Variants in ADD2 observed in about 807,000 individuals in gnomAD.
ADD2 encodes the protein adducin 2.
A neutral mutation model predicts 83.0 loss-of-function variants in ADD2; 23 were observed. The observed-to-expected ratio is 0.28, with a 90% CI of 0.20 to 0.39. The LOEUF is 0.39. Among genes scored for constraint, ADD2 ranks in the 10% least tolerant of loss-of-function variants. The pLI is 1.00. For missense variants in ADD2, 758 were observed against 944.9 expected (o/e 0.80, Z 2.59); for synonymous variants, 375 against 375.4 (o/e 1.00, Z 0.01).
At chr2:70,717,314 G>A (rs577251050) in intron 1 of ADD2, among the ~76,000 whole-genome samples, 34 of 152,276 alleles carry the variant, frequency 2.2e-4, no homozygotes, top group Admixed American at 7.8e-4. Flanking sequence ...TCTATGGATC[G>A]TTCCTTGTGG....
chr2:70,664,983 TGCGA>T (rs1675714071), intron 15 of ADD2, among the ~76,000 whole-genome samples: 1 of 139,384 alleles, frequency 7.2e-6, no homozygotes, highest in Admixed American at 7.1e-5. Context: ...TGTGAATGTG[TGCGA>T]GTGAGTGTGT....
intron 1 of ADD2, among the ~76,000 whole-genome samples, chr2:70,764,163 C>T (rs1206223929): frequency 1.3e-5 from 2 of 151,876 alleles, no homozygotes; most frequent in Non-Finnish European, 2.9e-5. Flanking sequence ...GCTGGAATTA[C>T]AGGCGTGAGC....
At chr2:70,666,971 G>A (rs1473810533) in intron 15 of ADD2, among the ~76,000 whole-genome samples, 2 of 152,124 alleles carry the variant, frequency 1.3e-5, no homozygotes, top group Admixed American at 6.5e-5. Context: ...GGTTCCACTG[G>A]CCAAGAGAAG....
intron 13 of ADD2, chr2:70,675,126 A>G (rs536904684): frequency 1.8e-6 from 2 of 1,088,036 alleles, no homozygotes; most frequent in South Asian, 3.7e-5. Flanking sequence ...AATCCCTTCT[A>G]TGGACACTTC....
chr2:70,768,133 C>T lies in ADD2; in HGVS notation c.-401G>A. On this transcript the variant is annotated 5_prime_UTR_variant, in exon 1 of 16. Coordinates refer to ENST00000264436, the MANE Select transcript of ADD2 (RefSeq NM_001617.4). ...TTCCTTGACAAAAGGCTCGGGTTCCCGCTAGTCCCTCACAGCCCTGCCGTC... is the reference window on the plus strand; with the variant it reads ...TTCCTTGACAAAAGGCTCGGGTTCCTGCTAGTCCCTCACAGCCCTGCCGTC... 1.5e-6 allele frequency: 1 copy of T among 659,116 alleles called. No individual in the cohort carries two copies. The highest frequency in any genetic ancestry group is 2.6e-6 in the Non-Finnish European group (1 of 390,892). The allele number at this position is 659,116 out of a possible 1,614,324, so 40.8% of individuals were successfully genotyped here.
intron 4 of ADD2, among the ~76,000 whole-genome samples, chr2:70,699,003 A>G (rs3771461): frequency 0.24 from 36,647 of 151,840 alleles, 4,560 homozygotes; most frequent in East Asian, 0.43. Context: ...CGCATCCCTG[A>G]CTCAGATATC....
Position 70,672,909 on chromosome 2 carries a change from G to A in ADD2, c.1839C>T (p.Ser613=). 1 of 1,613,264 alleles carries A rather than the reference G, an allele frequency of 6.2e-7. No homozygotes were observed. Among genetic ancestry groups the A allele is most frequent in the East Asian group, 2.2e-5 (1 of 44,858 alleles). ...AAGACTTGGAAGGAGAGACTAAAGG[G>A]CTCTTTGTCTCTGCCTCCTTCGCTG... ...QSPAKEAETK[S]PLVSPSKSLE... Residue 613 remains serine (S), a synonymous_variant, in exon 15 of 16, where the codon AGC becomes AGT. Transcript: ENST00000264436.
At chr2:70,724,835 G>A (rs1372189053) in intron 1 of ADD2, among the ~76,000 whole-genome samples, 1 of 152,108 alleles carries the variant, frequency 6.6e-6, no homozygotes, top group East Asian at 1.9e-4. Context: ...ACACAGTATT[G>A]GGTGTGGACA....
chr2:70,719,358 T>G (rs1574285063), intron 1 of ADD2, among the ~76,000 whole-genome samples: 3 of 152,178 alleles, frequency 2.0e-5, no homozygotes, highest in Admixed American at 2.0e-4. Context: ...GACAGGGGCA[T>G]GGGAGGCGGC....
At chr2:70,689,875 A>T (rs1273292636) in intron 8 of ADD2, among the ~76,000 whole-genome samples, 1 of 152,292 alleles carries the variant, frequency 6.6e-6, no homozygotes, top group East Asian at 1.9e-4. Context: ...ACAACACTCA[A>T]GTTTGGGGAG....
chr2:70,759,121 C>T (rs750331102), intron 1 of ADD2, among the ~76,000 whole-genome samples: 2 of 152,068 alleles, frequency 1.3e-5, no homozygotes, highest in Non-Finnish European at 2.9e-5. Context: ...AAGTTTTTTT[C>T]AGCCACTTCA....
At chr2:70,707,562 C>A (rs995714779) in intron 2 of ADD2, among the ~76,000 whole-genome samples, 1 of 142,034 alleles carries the variant, frequency 7.0e-6, no homozygotes. Context: ...TGGGAATTTG[C>A]GAAGCCCGTC....
intron 13 of ADD2, chr2:70,675,158 C>A: frequency 9.7e-7 from 1 of 1,034,118 alleles, no homozygotes; most frequent in African/African-American, 1.7e-5. Flanking sequence ...TATGCAAATA[C>A]AGTTGGTGGC....
chr2:70,674,407 G>A (rs568761217), intron 14 of ADD2, among the ~76,000 whole-genome samples: 2 of 152,298 alleles, frequency 1.3e-5, no homozygotes, highest in African/African-American at 4.8e-5. Flanking sequence ...AATTGATCTG[G>A]TGTTTACTGG....
At chr2:70,731,333 C>T (rs556991382) in intron 1 of ADD2, among the ~76,000 whole-genome samples, 1 of 152,312 alleles carries the variant, frequency 6.6e-6, no homozygotes, top group African/African-American at 2.4e-5. Flanking sequence ...GGATTGCTTC[C>T]TCTTTAGGGT....
At chr2:70,734,059 C>A (rs1673404254) in intron 1 of ADD2, among the ~76,000 whole-genome samples, 1 of 152,152 alleles carries the variant, frequency 6.6e-6, no homozygotes, top group Non-Finnish European at 1.5e-5. Flanking sequence ...CTATCTCCAC[C>A]CCCCTCTCCC....
In ADD2 at chr2:70,736,903, A is replaced by G. The variant is rs1387281662; in HGVS notation, c.-153-23719T>C. On this transcript the variant is annotated intron_variant, in intron 1 of 15. Transcript: ENST00000264436. ...GGAAAAAACAAACAACCCCATCAAA[A>G]AGTGGGTGAAGGATATGAACAGACA... 2.0e-5 allele frequency among the ~76,000 whole-genome samples: 3 copies of G among 152,172 alleles called. No homozygotes were observed. The East Asian group carries it at 5.8e-4, about 29-fold the overall frequency.
chr2:70,720,273 AAGTT>A (rs1249647554), intron 1 of ADD2, among the ~76,000 whole-genome samples: 1 of 152,104 alleles, frequency 6.6e-6, no homozygotes, highest in Non-Finnish European at 1.5e-5. Context: ...GGAAGGAGGA[AAGTT>A]AGTAGGCCCA....
At position 70,740,383 on chromosome 2, in the gene ADD2, C is replaced by T. The variant is rs115944898; in HGVS notation, c.-153-27199G>A. Among the ~76,000 whole-genome samples, 1,384 of 152,232 alleles carry T rather than the reference C, an allele frequency of 9.1e-3. 19 individuals carry two copies. The highest frequency in any genetic ancestry group is 0.032 in the African/African-American group (1,316 of 41,544). ...ATAGGAGAATACAAGAAACCTGAAT[C>T]GGTTGACTAATTAGACTTAAAGGTA... On this transcript the variant is annotated intron_variant, in intron 1 of 15. Coordinates refer to ENST00000264436, the MANE Select transcript of ADD2 (RefSeq NM_001617.4).
Sources: allele counts gnomAD v4.1 joint callset (sites outside exome capture counted in the v4.1 genomes callset), GRCh38; gene constraint gnomAD v4.1.1; transcripts MANE v1.5; gene names NCBI Gene and HGNC (gene_info 2026-07-23, HGNC 2026-07-21).